The following TRAF2 variants were observed in gnomAD, a reference collection of about 807,000 sequenced individuals.
TRAF2 encodes TNF receptor associated factor 2.
In TRAF2, 6 loss-of-function variants were observed where a neutral mutation model predicts 55.6. That is an observed-to-expected ratio of 0.11 (90% CI 0.06 to 0.21). The LOEUF (loss-of-function observed/expected upper bound fraction) is 0.21. Among genes scored for constraint, TRAF2 ranks in the 10% least tolerant of loss-of-function variants. The probability of loss-of-function intolerance (pLI) is 1.00; values close to 1 mark genes in which losing one functional copy is unlikely to be tolerated. For synonymous variants in TRAF2, 329 were observed against 276.3 expected, an observed-to-expected ratio of 1.19 and a Z score of -1.89; for missense variants, 561 against 684.5, an observed-to-expected ratio of 0.82 and a Z score of 2.01.
chr9:136,918,255 A>ATATATATTTATT (rs1402432355), intron 7 of TRAF2, among the ~76,000 whole-genome samples: 1 of 23,342 alleles, frequency 4.3e-5, no homozygotes, highest in African/African-American at 2.1e-4. Flanking sequence ...ATATATATAT[A>ATATATATTTATT]TATTTATTTA....
chr9:136,898,314 C>T (rs999065567), intron 1 of TRAF2, among the ~76,000 whole-genome samples: 9 of 152,206 alleles, frequency 5.9e-5, no homozygotes, highest in Admixed American at 3.3e-4. Context: ...ATGCTTATTG[C>T]AGGAACCATG....
At chr9:136,922,517 A>T (rs1409801341) in intron 9 of TRAF2, 1 of 153,264 alleles carries the variant, frequency 6.5e-6, no homozygotes, top group African/African-American at 2.4e-5. Flanking sequence ...TTTGTGTGGA[A>T]CATCTGCTTT....
At chr9:136,891,324 G>C (rs1478734285) in intron 1 of TRAF2, among the ~76,000 whole-genome samples, 1 of 151,910 alleles carries the variant, frequency 6.6e-6, no homozygotes, top group South Asian at 2.1e-4. Context: ...TGGCCAGCCT[G>C]GTCTTGAACT....
Position 136,923,928 on chromosome 9 carries a change from A to G in TRAF2, c.1215A>G (p.Thr405=). The change falls in exon 10 of 11, where the codon ACA becomes ACG. Residue 405 remains threonine, a synonymous_variant. Coordinates refer to ENST00000247668, the MANE Select transcript of TRAF2 (RefSeq NM_021138.4). ...YLNGDGTGRG[T]HLSLFFVVMK... ...ACGGCGACGGCACCGGGCGAGGAACACACCTGTCCCTCTTCTTTGTGGTGA... is the reference window on the plus strand; with the variant it reads ...ACGGCGACGGCACCGGGCGAGGAACGCACCTGTCCCTCTTCTTTGTGGTGA... 6.2e-7 allele frequency: 1 copy of G among 1,614,000 alleles called. No individual in the cohort carries two copies. The highest frequency in any genetic ancestry group is 8.5e-7 in the Non-Finnish European group (1 of 1,179,988).
At chr9:136,920,777 A>G (rs1054878299) in intron 8 of TRAF2, among the ~76,000 whole-genome samples, 9 of 152,174 alleles carry the variant, frequency 5.9e-5, no homozygotes, top group Non-Finnish European at 8.8e-5. Flanking sequence ...GGGAGGGCAG[A>G]GTCAGCCATG....
At chr9:136,909,075 T>A (rs1475205863) in intron 5 of TRAF2, among the ~76,000 whole-genome samples, 1 of 150,584 alleles carries the variant, frequency 6.6e-6, no homozygotes, top group Non-Finnish European at 1.5e-5. Context: ...TAAAAAAAGT[T>A]TGTTTTTAGG....
chr9:136,884,386 C>T (rs1421991412), upstream of TRAF2, among the ~76,000 whole-genome samples: 11 of 151,906 alleles, frequency 7.2e-5, no homozygotes, highest in Admixed American at 3.3e-4. Flanking sequence ...GGTGAAACCC[C>T]GTCTCTACTA....
At chr9:136,898,390 G>A (rs187984082) in intron 1 of TRAF2, 125 of 160,024 alleles carry the variant, frequency 7.8e-4, no homozygotes, top group African/African-American at 2.8e-3. Context: ...AAGGCAGCCT[G>A]TTCCCCTAGC....
At chr9:136,918,271 T>TA (rs1850295324) in intron 7 of TRAF2, among the ~76,000 whole-genome samples, 1 of 142,554 alleles carries the variant, frequency 7.0e-6, no homozygotes, top group African/African-American at 2.7e-5. Flanking sequence ...ATTTAATTAA[T>TA]TAATTTATTT....
intron 4 of TRAF2, among the ~76,000 whole-genome samples, chr9:136,901,741 G>A (rs771122311): frequency 2.0e-5 from 3 of 152,168 alleles, no homozygotes; most frequent in Non-Finnish European, 4.4e-5. Context: ...CTTCCTGCCC[G>A]GGCCAGAGCT....
At chr9:136,919,689 T>TCGTCCCGTCTTCCCTA (rs1850337393) in intron 7 of TRAF2, among the ~76,000 whole-genome samples, 2 of 150,474 alleles carry the variant, frequency 1.3e-5, no homozygotes, top group Non-Finnish European at 3.0e-5. Flanking sequence ...CTTCTTCCCT[T>TCGTCCCGTCTTCCCTA]CATCCCTTCA....
chr9:136,920,638 C>A, intron 8 of TRAF2, 123 bp downstream of exon 8: 1 of 1,298,760 alleles, frequency 7.7e-7, no homozygotes, highest in Admixed American at 2.8e-5. Flanking sequence ...ACTCCATCTG[C>A]AAACCCCAGT....
At chr9:136,914,214 T>C (rs1850187850) in intron 6 of TRAF2, among the ~76,000 whole-genome samples, 1 of 152,220 alleles carries the variant, frequency 6.6e-6, no homozygotes, top group Non-Finnish European at 1.5e-5. Flanking sequence ...CCCAGCTGGC[T>C]TCCAGTTCCA....
chr9:136,900,460 C>T lies in TRAF2; in HGVS notation c.306C>T (p.Ser102=). 4 of 1,611,764 alleles carry T rather than the reference C, an allele frequency of 2.5e-6. No individual in the cohort carries two copies. The highest frequency in any genetic ancestry group is 3.4e-6 in the Non-Finnish European group (4 of 1,178,496). Residue 102 remains serine (S), a synonymous_variant, in exon 4 of 11, where the codon AGC becomes AGT. Coordinates refer to ENST00000247668, the MANE Select transcript of TRAF2 (RefSeq NM_021138.4). ...PDNAARREVE[S]LPAVCPSDGC... is the part of the protein sequence containing the mutation. Reference sequence around the variant, plus strand: ...ATGCTGCCCGCAGGGAGGTGGAGAGCCTGCCGGCCGTCTGTCCCAGTGATG... The same window carrying T: ...ATGCTGCCCGCAGGGAGGTGGAGAGTCTGCCGGCCGTCTGTCCCAGTGATG...
At chr9:136,921,868 G>C (rs1020163296) in intron 9 of TRAF2, among the ~76,000 whole-genome samples, 1 of 152,184 alleles carries the variant, frequency 6.6e-6, no homozygotes, top group Non-Finnish European at 1.5e-5. Context: ...GCTGTCCCTC[G>C]AGGCCCTGGC....
chr9:136,916,339 G>T (rs1186644197), intron 6 of TRAF2, among the ~76,000 whole-genome samples: 1 of 152,170 alleles, frequency 6.6e-6, no homozygotes, highest in African/African-American at 2.4e-5. Flanking sequence ...TACTGGCACA[G>T]TGTGCATGTT....
At chr9:136,913,773 CA>C (rs559883037) in intron 6 of TRAF2, among the ~76,000 whole-genome samples, 71 of 152,010 alleles carry the variant, frequency 4.7e-4, no homozygotes, top group Non-Finnish European at 7.5e-4. Flanking sequence ...CAGAGCTGTG[CA>C]GAGGCACAGG....
chr9:136,914,000 T>C (rs1402869092), intron 6 of TRAF2, among the ~76,000 whole-genome samples: 1 of 152,224 alleles, frequency 6.6e-6, no homozygotes, highest in Admixed American at 6.5e-5. Context: ...CTGGGCCTCA[T>C]GGCCAAACAG....
At chr9:136,905,198 C>T (rs768929584) in intron 4 of TRAF2, among the ~76,000 whole-genome samples, 1 of 152,232 alleles carries the variant, frequency 6.6e-6, no homozygotes, top group Non-Finnish European at 1.5e-5. Context: ...CCATGAAGGG[C>T]CCCGCAGCCA....
Sources: allele counts gnomAD v4.1 joint callset (sites outside exome capture counted in the v4.1 genomes callset), GRCh38; gene constraint gnomAD v4.1.1; transcripts MANE v1.5; gene names NCBI Gene and HGNC (gene_info 2026-07-23, HGNC 2026-07-21).